Variants in CENPP observed in about 807,000 individuals in gnomAD.
CENPP encodes the protein centromere protein P.
CENPP carries 24 observed loss-of-function variants against 35.6 expected under a neutral mutation model. That is an observed-to-expected ratio of 0.67 (90% confidence interval 0.49 to 0.95). The LOEUF (loss-of-function observed/expected upper bound fraction) is 0.95, where lower values mean the gene tolerates loss of function less well. Ranked by LOEUF, CENPP falls within the 40% of genes least tolerant of loss-of-function variation. The pLI is 0.00. For missense variants in CENPP, 332 were observed against 345.3 expected (o/e 0.96, Z 0.31); for synonymous variants, 120 against 125.5 (o/e 0.96, Z 0.29).
At chr9:92,495,044 C>T (rs777785793) in intron 5 of CENPP, among the ~76,000 whole-genome samples, 2 of 152,220 alleles carry the variant, frequency 1.3e-5, no homozygotes, top group Non-Finnish European at 2.9e-5. Flanking sequence ...CTGCATTCAT[C>T]ATCCACACCA....
chr9:92,581,752 T>G (rs1030808649), intron 5 of CENPP, among the ~76,000 whole-genome samples: 4 of 152,176 alleles, frequency 2.6e-5, no homozygotes, highest in African/African-American at 9.7e-5. Flanking sequence ...CAAGAAGGAA[T>G]AAAAAGCAAA....
chr9:92,551,944 TATATATATGA>T (rs1849603888), intron 5 of CENPP, among the ~76,000 whole-genome samples: 2 of 129,990 alleles, frequency 1.5e-5, no homozygotes, highest in Non-Finnish European at 1.6e-5. Context: ...TATATATATA[TATATATATGA>T]TATATATATG....
chr9:92,356,661 A>G (rs936252440), intron 4 of CENPP, among the ~76,000 whole-genome samples: 3 of 152,228 alleles, frequency 2.0e-5, no homozygotes, highest in South Asian at 2.1e-4. Flanking sequence ...AATCTTCACA[A>G]TTTATGTTCA....
intron 5 of CENPP, among the ~76,000 whole-genome samples, chr9:92,431,837 T>G (rs1844117049): frequency 6.6e-6 from 1 of 151,656 alleles, no homozygotes; most frequent in African/African-American, 2.4e-5. Flanking sequence ...CCTCCCAAAC[T>G]GCTGGGATTG....
intron 5 of CENPP, among the ~76,000 whole-genome samples, chr9:92,557,276 G>T (rs1423797202): frequency 1.3e-5 from 2 of 152,140 alleles, no homozygotes; most frequent in Non-Finnish European, 2.9e-5. Context: ...CTTAACTTTG[G>T]ATAACCTGAT....
intron 5 of CENPP, among the ~76,000 whole-genome samples, chr9:92,416,099 T>TATATATATATATATA (rs1843601377): frequency 7.5e-6 from 1 of 132,850 alleles, no homozygotes; most frequent in African/African-American, 2.8e-5. Flanking sequence ...TATTTATTTA[T>TATATATATATATATA]TTTATTTTTT....
At chr9:92,534,118 CTCTTTAAAT>C (rs1849025234) in intron 5 of CENPP, among the ~76,000 whole-genome samples, 1 of 152,050 alleles carries the variant, frequency 6.6e-6, no homozygotes, top group Non-Finnish European at 1.5e-5. Flanking sequence ...TACATTTTTC[CTCTTTAAAT>C]TCATTTCTGT....
At chr9:92,433,857 G>A (rs554373262) in intron 5 of CENPP, among the ~76,000 whole-genome samples, 10 of 151,524 alleles carry the variant, frequency 6.6e-5, no homozygotes, top group East Asian at 3.9e-4. Flanking sequence ...GCTTGAACCC[G>A]GGAGGCAGAG....
rs1564025502 is a variant in CENPP at position 92,618,110 on chromosome 9, CGGCCA to C, written c.*4962_*4966del. The C allele has an allele frequency of 5.1e-6, 2 of 392,514 alleles. No homozygotes were observed. Among genetic ancestry groups the C allele is most frequent in the Non-Finnish European group, 1.0e-5 (2 of 195,520 alleles). 24.3% of individuals were successfully genotyped at this position (392,514 alleles called of 1,614,324 possible). On this transcript the variant is annotated 3_prime_UTR_variant, in exon 8 of 8. Coordinates refer to ENST00000375587, the MANE Select transcript of CENPP (RefSeq NM_001012267.3). ...CACAGTTACTGGAACTTCACAGGTG[CGGCCA>C]CTGCGCACACCTTCCTGGAAGCAGG...
intron 5 of CENPP, among the ~76,000 whole-genome samples, chr9:92,535,561 A>G (rs546363716): frequency 6.6e-6 from 1 of 152,286 alleles, no homozygotes; most frequent in African/African-American, 2.4e-5. Context: ...TTAAAATTCT[A>G]CATGAAGTCA....
chr9:92,581,220 C>T (rs998093341), intron 5 of CENPP, among the ~76,000 whole-genome samples: 8 of 151,890 alleles, frequency 5.3e-5, no homozygotes, highest in African/African-American at 1.7e-4. Flanking sequence ...TAGCAGAAAA[C>T]GAGAGGTATA....
chr9:92,567,373 GATAT>G lies in CENPP; in HGVS notation c.565-43921_565-43918del. On this transcript the variant is annotated intron_variant, in intron 5 of 7. Coordinates refer to ENST00000375587, the MANE Select transcript of CENPP (RefSeq NM_001012267.3). The stretch of plus-strand genomic sequence containing the variant: ...ATGGGGTATACAGTTACATAAGATA[GATAT>G]ATATATATATATATATATAGATATA... Among the ~76,000 whole-genome samples the G allele has an allele frequency of 2.3e-4, 30 of 129,088 alleles. 1 individual carries two copies. The highest frequency in any genetic ancestry group is 5.5e-4 in the South Asian group (2 of 3,606). 84.7% of individuals were successfully genotyped at this position (129,088 alleles called of 152,430 possible). A position where few individuals can be genotyped will look rare whatever the true frequency, so the allele number is the denominator to read the frequency against.
intron 1 of CENPP, among the ~76,000 whole-genome samples, chr9:92,326,578 G>A (rs1840519803): frequency 1.3e-5 from 2 of 152,206 alleles, no homozygotes; most frequent in Admixed American, 1.3e-4. Flanking sequence ...TAGACTGCAG[G>A]AGAATTTGAC....
At chr9:92,451,894 CTGTT>C (rs1329509405) in intron 5 of CENPP, among the ~76,000 whole-genome samples, 2 of 151,820 alleles carry the variant, frequency 1.3e-5, no homozygotes, top group Non-Finnish European at 2.9e-5. Context: ...ATTTGGCTCT[CTGTT>C]TGTCTGTTAT....
intron 5 of CENPP, among the ~76,000 whole-genome samples, chr9:92,561,557 A>G (rs1029320067): frequency 1.4e-4 from 22 of 152,242 alleles, no homozygotes; most frequent in Non-Finnish European, 2.8e-4. Context: ...GAAACTTTGT[A>G]CAAAGAAAAC....
intron 5 of CENPP, chr9:92,474,607 T>C (rs1845639203): frequency 6.3e-7 from 1 of 1,592,414 alleles, no homozygotes; most frequent in East Asian, 2.2e-5. Flanking sequence ...CAAAACAAAA[T>C]CGACTTATAT....
chr9:92,544,201 C>T (rs1308042862), intron 5 of CENPP, among the ~76,000 whole-genome samples: 3 of 152,188 alleles, frequency 2.0e-5, no homozygotes, highest in South Asian at 2.1e-4. Flanking sequence ...TTGGGCTGGG[C>T]GTGGTGGCTC....
chr9:92,470,663 T>C (rs750067800), intron 5 of CENPP: 4 of 1,381,560 alleles, frequency 2.9e-6, no homozygotes, highest in Non-Finnish European at 1.0e-6. Context: ...GAGGATATAT[T>C]CTTACATAAA....
In CENPP at chr9:92,619,110, C is replaced by A. The variant is rs999208164; in HGVS notation, c.*5961C>A. On this transcript the variant is annotated 3_prime_UTR_variant, in exon 8 of 8. Transcript: ENST00000375587. ...AAAAGGCAGGTGCGCCATGCTGCCA[C>A]TGTGGGAGACCGAGGAACAAGGGCC... The A allele has an allele frequency of 3.0e-5, 7 of 236,746 alleles. No individual in the cohort carries two copies. The highest frequency in any genetic ancestry group is 3.4e-5 in the Non-Finnish European group (4 of 119,142). The allele number at this position is 236,746 out of a possible 1,614,324, so 14.7% of individuals were successfully genotyped here.
Sources: gnomAD v4.1 joint callset for allele counts (sites outside exome capture counted in the v4.1 genomes callset) on GRCh38, gnomAD v4.1.1 for gene constraint, MANE v1.5 for transcripts, NCBI Gene and HGNC (gene_info 2026-07-23, HGNC 2026-07-21) for gene names.